Variants in ABLIM1 observed in about 807,000 individuals in gnomAD.
ABLIM1 encodes actin-binding LIM protein 1.
In ABLIM1, 40 loss-of-function variants were observed where a neutral mutation model predicts 107.0. The ratio of observed to expected loss-of-function variants is 0.37; its 90% confidence interval spans 0.29 to 0.49. ABLIM1 has a LOEUF of 0.49. ABLIM1 is among the 20% of genes least tolerant of loss of function. The probability of loss-of-function intolerance (pLI) is 0.97; values close to 1 mark genes in which losing one functional copy is unlikely to be tolerated. For missense variants in ABLIM1, 857 were observed against 1,008.5 expected (o/e 0.85, Z 2.04); for synonymous variants, 357 against 357.3 (o/e 1.00, Z 0.01).
At chr10:114,545,752 C>A (rs1171883903) in intron 5 of ABLIM1, among the ~76,000 whole-genome samples, 1 of 151,664 alleles carries the variant, frequency 6.6e-6, no homozygotes, top group African/African-American at 2.4e-5. Flanking sequence ...TGGGGAAGCC[C>A]TGTTTCTACT....
At chr10:114,750,578 T>C (rs1346252734) in intron 1 of ABLIM1, among the ~76,000 whole-genome samples, 1 of 152,206 alleles carries the variant, frequency 6.6e-6, no homozygotes, top group Non-Finnish European at 1.5e-5. Flanking sequence ...AACTACTGAA[T>C]TTTAAAAGTA....
intron 1 of ABLIM1, among the ~76,000 whole-genome samples, chr10:114,614,649 T>C (rs2077013921): frequency 6.6e-6 from 1 of 152,142 alleles, no homozygotes; most frequent in African/African-American, 2.4e-5. Context: ...TCAACACCAG[T>C]GTCAGCACCA....
intron 6 of ABLIM1, among the ~76,000 whole-genome samples, chr10:114,533,324 G>A (rs900876964): frequency 1.3e-5 from 2 of 152,144 alleles, no homozygotes; most frequent in African/African-American, 4.8e-5. Flanking sequence ...CTGGGCAATG[G>A]AGGGAGACTC....
chr10:114,674,193 G>A (rs1434675324), intron 1 of ABLIM1, among the ~76,000 whole-genome samples: 1 of 151,698 alleles, frequency 6.6e-6, no homozygotes, highest in African/African-American at 2.4e-5. Context: ...AGGAGGCTGA[G>A]GCACCAGAAT....
intron 8 of ABLIM1, among the ~76,000 whole-genome samples, chr10:114,474,714 C>T (rs1278698198): frequency 6.6e-6 from 1 of 152,148 alleles, no homozygotes; most frequent in African/African-American, 2.4e-5. Flanking sequence ...TGGATGGTCA[C>T]TACTCTGCTT....
At chr10:114,714,717 C>T (rs112082946) in intron 1 of ABLIM1, among the ~76,000 whole-genome samples, 8 of 152,246 alleles carry the variant, frequency 5.3e-5, no homozygotes, top group East Asian at 1.9e-4. Flanking sequence ...GCAGGCTGCA[C>T]GGAAGTCAAT....
intron 2 of ABLIM1, among the ~76,000 whole-genome samples, chr10:114,594,384 T>C (rs2075211222): frequency 1.3e-5 from 2 of 152,218 alleles, no homozygotes; most frequent in African/African-American, 4.8e-5. Context: ...AATGTTACTG[T>C]CTAGTAGCCA....
intron 2 of ABLIM1, among the ~76,000 whole-genome samples, chr10:114,595,546 G>A (rs1398767334): frequency 6.6e-6 from 1 of 152,176 alleles, no homozygotes; most frequent in African/African-American, 2.4e-5. Flanking sequence ...TGGGATGAAG[G>A]CTGTAATGGA....
At chr10:114,570,225 G>A (rs1473529489) in intron 4 of ABLIM1, among the ~76,000 whole-genome samples, 1 of 152,146 alleles carries the variant, frequency 6.6e-6, no homozygotes. Context: ...TTCCTTGCTT[G>A]GTGCCCACAG....
At chr10:114,502,222 T>C (rs11196767) in intron 6 of ABLIM1, 3,204 of 174,054 alleles carry the variant, frequency 0.018, 60 homozygotes, top group East Asian at 0.059. Context: ...TATTCAGGAA[T>C]ACAACACAGT....
intron 1 of ABLIM1, chr10:114,631,935 A>G: frequency 7.7e-7 from 1 of 1,304,424 alleles, no homozygotes; most frequent in Non-Finnish European, 1.0e-6. Context: ...GGGTCCTCCG[A>G]CGAGCAGGAC....
intron 1 of ABLIM1, among the ~76,000 whole-genome samples, chr10:114,617,874 G>A (rs2077227980): frequency 6.6e-6 from 1 of 152,150 alleles, no homozygotes; most frequent in Non-Finnish European, 1.5e-5. Context: ...CAGCTTTTGG[G>A]AGTACAAGGC....
the ABLIM1 span, among the ~76,000 whole-genome samples, chr10:114,795,419 C>T: frequency 3.2e-4 from 49 of 152,314 alleles, no homozygotes; most frequent in South Asian, 5.4e-3. Flanking sequence ...AGAAATTACA[C>T]TTCTGGGCTG....
intron 1 of ABLIM1, among the ~76,000 whole-genome samples, chr10:114,643,874 C>G (rs2078860433): frequency 6.6e-6 from 1 of 151,982 alleles, no homozygotes; most frequent in Admixed American, 6.6e-5. Flanking sequence ...CTGACCCTAG[C>G]CTATATCCAG....
chr10:114,459,572 C>T (rs1056050441), intron 12 of ABLIM1, among the ~76,000 whole-genome samples: 2 of 149,826 alleles, frequency 1.3e-5, no homozygotes, highest in Non-Finnish European at 3.0e-5. Context: ...TTTTTTTTTA[C>T]ACTGCTCCCT....
At chr10:114,732,180 C>CTTTTTTTTTTTT (rs113276247) in intron 1 of ABLIM1, among the ~76,000 whole-genome samples, 11 of 109,876 alleles carry the variant, frequency 1.0e-4, no homozygotes, top group Non-Finnish European at 1.3e-4. Flanking sequence ...CTTTTCTTTT[C>CTTTTTTTTTTTT]TTTTTTTTTT....
intron 1 of ABLIM1, among the ~76,000 whole-genome samples, chr10:114,644,675 T>C (rs544936095): frequency 1.1e-4 from 16 of 152,256 alleles, no homozygotes; most frequent in African/African-American, 2.9e-4. Flanking sequence ...CAGCTTTTTA[T>C]CCAGTTTTGA....
chr10:114,659,344 G>GAA (rs76428176), upstream of ABLIM1, among the ~76,000 whole-genome samples: 5 of 130,496 alleles, frequency 3.8e-5, no homozygotes, highest in Non-Finnish European at 5.0e-5. Flanking sequence ...TGTCTCTACA[G>GAA]AAAAAAAAAA....
chr10:114,605,751 C>A (rs1251174069), intron 1 of ABLIM1, among the ~76,000 whole-genome samples: 1 of 152,142 alleles, frequency 6.6e-6, no homozygotes, highest in Non-Finnish European at 1.5e-5. Context: ...AACGGGATTC[C>A]TCCACTGCAG....
Sources: gnomAD v4.1 joint callset for allele counts (sites outside exome capture counted in the v4.1 genomes callset) on GRCh38, gnomAD v4.1.1 for gene constraint, MANE v1.5 for transcripts, NCBI Gene and HGNC (gene_info 2026-07-23, HGNC 2026-07-21) for gene names.